UBASH3A: variants seen among roughly 807,000 people sequenced by gnomAD.
UBASH3A encodes ubiquitin associated and SH3 domain containing A.
Under a neutral mutation model 73.5 loss-of-function variants are expected in UBASH3A, and 63 were observed. The observed-to-expected ratio is 0.86, with a 90% CI of 0.70 to 1.06. UBASH3A has a LOEUF of 1.06. UBASH3A is among the 50% of genes least tolerant of loss of function. UBASH3A has a pLI of 0.00. For synonymous variants in UBASH3A, 363 were observed against 351.1 expected (o/e 1.03, Z -0.38); for missense variants, 860 against 859.0 (o/e 1.00, Z -0.02).
intron 2 of UBASH3A, 150 bp downstream of exon 2, chr21:42,406,511 T>C: frequency 1.5e-6 from 1 of 654,318 alleles, no homozygotes; most frequent in Non-Finnish European, 2.7e-6. Context: ...ATAACCTCCC[T>C]GCCTACCCAT....
At chr21:42,417,698 A>G (rs1433216155) in intron 6 of UBASH3A, 1 of 151,918 alleles carries the variant, frequency 6.6e-6, no homozygotes, top group Non-Finnish European at 1.5e-5. Context: ...TCAGACCCAG[A>G]GAGCACGTGT....
chr21:42,410,030 T>C (rs1413585155), intron 3 of UBASH3A: 1 of 700,254 alleles, frequency 1.4e-6, no homozygotes. Context: ...TAAAACAGAG[T>C]TTGTGCTTCC....
At chr21:42,432,276 CT>C (rs1042344234) in intron 9 of UBASH3A, 74 bp downstream of exon 9, 45 of 995,928 alleles carry the variant, frequency 4.5e-5, no homozygotes, top group Non-Finnish European at 5.7e-5. Context: ...TCTTAATGAC[CT>C]TACATGGCAC....
At chr21:42,439,059 G>A (rs371566963) in intron 11 of UBASH3A, among the ~76,000 whole-genome samples, 29 of 152,112 alleles carry the variant, frequency 1.9e-4, no homozygotes, top group African/African-American at 5.1e-4. Flanking sequence ...GATCCCCTTC[G>A]CCCCGTCAGA....
chr21:42,416,309 G>A, intron 5 of UBASH3A, 133 bp from the exon 6 acceptor site: 1 of 881,012 alleles, frequency 1.1e-6, no homozygotes, highest in East Asian at 3.3e-5. Flanking sequence ...CCTTTATGAT[G>A]TGAGTTCTGA....
chr21:42,417,869 TCTTTTTTTC>T (rs1294732397), intron 6 of UBASH3A, among the ~76,000 whole-genome samples: 2 of 135,586 alleles, frequency 1.5e-5, no homozygotes, highest in Non-Finnish European at 3.2e-5. Flanking sequence ...CTTTTTTTTT[TCTTTTTTTC>T]TTTTTTTTTT....
In UBASH3A at chr21:42,416,518, G is replaced by A. The variant is rs780832562; in HGVS notation, c.744G>A (p.Thr248=). Residue 248 remains threonine, a synonymous_variant, in exon 6 of 15, where the codon ACG becomes ACA. Coordinates refer to ENST00000319294, the MANE Select transcript of UBASH3A (RefSeq NM_018961.4). ...AGTTCTACCCCCACCACCAGAGGAC[G>A]CTGGAGCAGCTGGCCAGAGCCATCC... ...AHKFYPHHQR[T]LEQLARAIPL... is the part of the protein sequence containing the mutation. 6.2e-7 allele frequency: 1 copy of A among 1,612,030 alleles called. No individual in the cohort carries two copies. Among genetic ancestry groups the A allele is most frequent in the Non-Finnish European group, 8.5e-7 (1 of 1,179,178 alleles).
intron 5 of UBASH3A, among the ~76,000 whole-genome samples, chr21:42,416,145 C>G (rs951347341): frequency 6.6e-6 from 1 of 152,098 alleles, no homozygotes; most frequent in African/African-American, 2.4e-5. Context: ...ACGTGCACAC[C>G]CCGGGGAATG....
At chr21:42,426,887 G>A (rs928753351) in intron 8 of UBASH3A, 67 bp downstream of exon 8, 16 of 1,562,892 alleles carry the variant, frequency 1.0e-5, no homozygotes, top group Middle Eastern at 1.7e-4. Context: ...TTAACTTCAC[G>A]GTGGACACAG....
At chr21:42,437,078 G>A (rs2053638034) in intron 10 of UBASH3A, among the ~76,000 whole-genome samples, 1 of 152,226 alleles carries the variant, frequency 6.6e-6, no homozygotes, top group Admixed American at 6.5e-5. Context: ...TTAGCTGGGG[G>A]CTGCTCCCAG....
chr21:42,414,884 C>T (rs1568914593), intron 5 of UBASH3A, among the ~76,000 whole-genome samples: 2 of 152,218 alleles, frequency 1.3e-5, no homozygotes, highest in African/African-American at 2.4e-5. Flanking sequence ...GACCTGAACC[C>T]ACCTCTGTCC....
chr21:42,429,799 G>C (rs1057176832), intron 8 of UBASH3A, among the ~76,000 whole-genome samples: 7 of 152,114 alleles, frequency 4.6e-5, no homozygotes, highest in African/African-American at 1.7e-4. Flanking sequence ...AACAACTGAA[G>C]TTTTCCAATA....
chr21:42,406,061 C>G (rs2052967789), intron 1 of UBASH3A, among the ~76,000 whole-genome samples: 1 of 151,224 alleles, frequency 6.6e-6, no homozygotes, highest in Non-Finnish European at 1.5e-5. Flanking sequence ...AGACCCCGTG[C>G]CAAGGGCTGA....
chr21:42,446,818 A>G (rs1203418988), intron 14 of UBASH3A, among the ~76,000 whole-genome samples: 1 of 152,172 alleles, frequency 6.6e-6, no homozygotes, highest in Non-Finnish European at 1.5e-5. Context: ...CAGCACCTCC[A>G]TCCTCAGTTG....
intron 7 of UBASH3A, 22 bp from the exon 8 acceptor site, chr21:42,426,675 C>G: frequency 6.2e-7 from 1 of 1,612,354 alleles, no homozygotes; most frequent in Non-Finnish European, 8.5e-7. Flanking sequence ...TCTGTTCAAG[C>G]CGTGCTTTCC....
At chr21:42,433,570 G>C (rs770656759) in intron 9 of UBASH3A, among the ~76,000 whole-genome samples, 3 of 152,174 alleles carry the variant, frequency 2.0e-5, no homozygotes, top group African/African-American at 2.4e-5. Flanking sequence ...TACCTAAATG[G>C]AGTGTCTTGA....
At chr21:42,409,770 G>A (rs1291869084) in intron 3 of UBASH3A, among the ~76,000 whole-genome samples, 162 bp downstream of exon 3, 2 of 152,108 alleles carry the variant, frequency 1.3e-5, no homozygotes, top group African/African-American at 4.8e-5. Context: ...TTTCCTCTTT[G>A]CCTTCATCTG....
chr21:42,439,984 C>CCCACACACACCCACACA (rs2053709400), intron 11 of UBASH3A, among the ~76,000 whole-genome samples: 1 of 136,778 alleles, frequency 7.3e-6, no homozygotes, highest in African/African-American at 2.7e-5. Context: ...CACACCACAC[C>CCCACACACACCCACACA]CCACACACAC....
chr21:42,427,357 G>A (rs893572306), intron 8 of UBASH3A, among the ~76,000 whole-genome samples: 1 of 152,178 alleles, frequency 6.6e-6, no homozygotes, highest in Non-Finnish European at 1.5e-5. Context: ...CCTGTCCTGT[G>A]ATCTGAAGCT....
Sources: allele counts gnomAD v4.1 joint callset (sites outside exome capture counted in the v4.1 genomes callset), GRCh38; gene constraint gnomAD v4.1.1; transcripts MANE v1.5; gene names NCBI Gene and HGNC (gene_info 2026-07-23, HGNC 2026-07-21).